DHRS4L2: variants seen among roughly 807,000 people sequenced by gnomAD.
The protein encoded by DHRS4L2 is dehydrogenase/reductase SDR family member 4-like 2.
A neutral mutation model predicts 23.9 loss-of-function variants in DHRS4L2; 22 were observed. The ratio of observed to expected loss-of-function variants is 0.92; its 90% CI spans 0.66 to 1.31. DHRS4L2 has a LOEUF of 1.31. Among genes scored for constraint, DHRS4L2 ranks in the 40% most tolerant of loss-of-function variants. DHRS4L2 has a pLI of 0.00. For synonymous variants in DHRS4L2, 141 were observed against 123.7 expected (o/e 1.14, Z -0.93); for missense variants, 385 against 303.3 (o/e 1.27, Z -2.00).
rs1274726617 is a variant in DHRS4L2, at chr14:24,005,759, C to T, written c.*23-127C>T. 11 of 1,523,490 alleles carry T rather than the reference C, an allele frequency of 7.2e-6. No homozygotes were observed. In the East Asian group the frequency reaches 9.9e-5, roughly 14 times the overall value. 94.4% of individuals were successfully genotyped at this position (1,523,490 alleles called of 1,614,324 possible). A position where few individuals can be genotyped will look rare whatever the true frequency, so the allele number is the denominator to read the frequency against. On this transcript the variant is annotated intron_variant, in intron 7 of 7. Coordinates refer to ENST00000335125, the MANE Select transcript of DHRS4L2 (RefSeq NM_198083.4). ...GTAACCCTATTTGATAGGCAGAAAGCTTGTACACTGATCCTGAAAAGTCAT... is the reference window on the plus strand; with the variant it reads ...GTAACCCTATTTGATAGGCAGAAAGTTTGTACACTGATCCTGAAAAGTCAT...
At chr14:23,973,728 C>T (rs1348937239) in intron 1 of DHRS4L2, among the ~76,000 whole-genome samples, 6 of 151,648 alleles carry the variant, frequency 4.0e-5, no homozygotes, top group Non-Finnish European at 8.8e-5. Context: ...GCACCCAATA[C>T]AGGAGAACCC....
chr14:24,001,481 T>G lies in DHRS4L2; in HGVS notation c.629T>G (p.Leu210Arg), dbSNP rs2034489178. 6.2e-7 allele frequency: 1 copy of G among 1,604,340 alleles called. No homozygotes were observed. The highest frequency in any genetic ancestry group is 8.5e-7 in the Non-Finnish European group (1 of 1,178,128). ...LAPRNIRVNC[L>R]HLDLSRLASA... Reference sequence around the variant, plus strand: ...CCAAGGAACATTAGGGTGAACTGCCTGCACCTGGACTTATCAAGACTAGCT... The same window carrying G: ...CCAAGGAACATTAGGGTGAACTGCCGGCACCTGGACTTATCAAGACTAGCT... Residue 210 changes from leucine to arginine, a missense_variant, in exon 6 of 8, where the codon CTG becomes CGG. By Grantham distance (102) the Leu-to-Arg change is moderately radical. Transcript: ENST00000335125.
At chr14:23,992,948 A>G (rs1255644659) in intron 2 of DHRS4L2, among the ~76,000 whole-genome samples, 1 of 147,192 alleles carries the variant, frequency 6.8e-6, no homozygotes, top group Non-Finnish European at 1.5e-5. Flanking sequence ...CCAAAGTGCT[A>G]GGATTATAGG....
chr14:23,995,501 C>G (rs1245860077), intron 3 of DHRS4L2, among the ~76,000 whole-genome samples: 2 of 151,888 alleles, frequency 1.3e-5, no homozygotes, highest in South Asian at 4.2e-4. Context: ...TTTCAGCTGA[C>G]AAAAACTAAT....
At chr14:23,983,719 A>G (rs1214413262) in intron 1 of DHRS4L2, among the ~76,000 whole-genome samples, 1 of 151,770 alleles carries the variant, frequency 6.6e-6, no homozygotes. Context: ...AGATGAGTTC[A>G]TGTCCTTTGC....
At chr14:23,995,938 A>G (rs536679660) in intron 3 of DHRS4L2, among the ~76,000 whole-genome samples, 26 of 151,856 alleles carry the variant, frequency 1.7e-4, no homozygotes, top group Admixed American at 8.5e-4. Context: ...ATTTATAAAG[A>G]AAAGAAGTGT....
intron 1 of DHRS4L2, among the ~76,000 whole-genome samples, chr14:23,973,645 A>C (rs759046124): frequency 3.3e-5 from 5 of 151,912 alleles, no homozygotes; most frequent in Non-Finnish European, 7.4e-5. Context: ...AGATGAAAGG[A>C]GACAAAGAAG....
At chr14:23,995,245 G>A in intron 3 of DHRS4L2, 112 bp downstream of exon 3, 2 of 1,236,794 alleles carry the variant, frequency 1.6e-6, no homozygotes, top group Non-Finnish European at 2.4e-6. Context: ...AGGACTCTTT[G>A]CCACGTGCCA....
chr14:23,970,357 G>C (rs746863415), intron 1 of DHRS4L2: 3 of 413,078 alleles, frequency 7.3e-6, no homozygotes, highest in Admixed American at 5.0e-5. Flanking sequence ...GCGGTGGGGG[G>C]CGGGGGGCCG....
intron 5 of DHRS4L2, 119 bp from the exon 6 acceptor site, chr14:24,001,265 T>C (rs3818325): frequency 0.066 from 100,295 of 1,521,546 alleles, 5,645 homozygotes; most frequent in East Asian, 0.12. Context: ...CAAGACAGTT[T>C]CCTAACTCTG....
intron 6 of DHRS4L2, 88 bp downstream of exon 6, chr14:24,001,605 G>T: frequency 1.3e-6 from 2 of 1,535,168 alleles, no homozygotes; most frequent in Non-Finnish European, 1.7e-6. Context: ...TGAGTCCTGA[G>T]CTCTCAGCCA....
chr14:23,994,539 T>G (rs2034337606), intron 2 of DHRS4L2, among the ~76,000 whole-genome samples: 1 of 151,268 alleles, frequency 6.6e-6, no homozygotes, highest in South Asian at 2.1e-4. Flanking sequence ...AATACAAAAA[T>G]TGCCCGGGTG....
intron 7 of DHRS4L2, among the ~76,000 whole-genome samples, chr14:24,005,502 C>G (rs1062729): frequency 0.62 from 93,545 of 151,808 alleles, 31,507 homozygotes; most frequent in African/African-American, 0.89. Flanking sequence ...TCATTTTAAA[C>G]ACACCATTTA....
rs140631296 is a variant in DHRS4L2, at chr14:23,975,833, C to T, written c.-176+5501C>T. On this transcript the variant is annotated intron_variant, in intron 1 of 5. Transcript: ENST00000534993. ...CTTCAACCATCTGCTCTTTGACAAACCTGACAGAAACAAGCAATGGGGAAA... is the reference window on the plus strand; with the variant it reads ...CTTCAACCATCTGCTCTTTGACAAATCTGACAGAAACAAGCAATGGGGAAA... 4.6e-4 allele frequency among the ~76,000 whole-genome samples: 70 copies of T among 151,876 alleles called. No individual in the cohort carries two copies. The East Asian group carries it at 9.7e-3, about 21-fold the overall frequency.
upstream of DHRS4L2, among the ~76,000 whole-genome samples, chr14:23,987,424 A>T (rs143824038): frequency 1.3e-4 from 19 of 151,712 alleles, no homozygotes; most frequent in East Asian, 2.7e-3. Context: ...CACCACGCCC[A>T]GCTGAATGTC....
chr14:23,990,488 G>A (rs1044520353), intron 2 of DHRS4L2, 129 bp downstream of exon 2: 31 of 1,364,712 alleles, frequency 2.3e-5, no homozygotes, highest in South Asian at 7.8e-5. Context: ...ATATACTAAC[G>A]TCAGAGAATC....
intron 1 of DHRS4L2, among the ~76,000 whole-genome samples, chr14:23,989,788 GA>G (rs2034228243): frequency 6.6e-6 from 1 of 151,760 alleles, no homozygotes; most frequent in Admixed American, 6.6e-5. Context: ...AAAGAATTTT[GA>G]GAATGATGTA....
intron 1 of DHRS4L2, among the ~76,000 whole-genome samples, chr14:23,973,491 G>C (rs1392978819): frequency 6.6e-6 from 1 of 151,968 alleles, no homozygotes; most frequent in Non-Finnish European, 1.5e-5. Context: ...TGCTGAGGCT[G>C]AGGAGGTGCC....
Position 24,001,022 on chromosome 14 carries a change from T to G in DHRS4L2, c.480-11T>G, listed in dbSNP as rs79847141. ...ACACTGGGAAGACGGTCAGCTCTCTTCTTTTTCCAGAGGCGGCTCAGTGGT... is the reference window on the plus strand; with the variant it reads ...ACACTGGGAAGACGGTCAGCTCTCTGCTTTTTCCAGAGGCGGCTCAGTGGT... On this transcript the variant is annotated splice_polypyrimidine_tract_variant and intron_variant, in intron 4 of 7. Transcript: ENST00000335125. 80,585 of 1,609,102 alleles carry G rather than the reference T, an allele frequency of 0.05. 88 individuals are homozygous for G. Among genetic ancestry groups the G allele is most frequent in the East Asian group, 0.12 (5,336 of 44,786 alleles).
Sources: allele counts gnomAD v4.1 joint callset (sites outside exome capture counted in the v4.1 genomes callset), GRCh38; gene constraint gnomAD v4.1.1; transcripts MANE v1.5; gene names NCBI Gene and HGNC (gene_info 2026-07-23, HGNC 2026-07-21).